The following ZBTB25 variants were observed in gnomAD, a reference collection of about 807,000 sequenced individuals.
ZBTB25 encodes the protein zinc finger and BTB domain-containing protein 25.
Under a neutral mutation model 34.2 loss-of-function variants are expected in ZBTB25, and 20 were observed. That is an observed-to-expected ratio of 0.58 (90% CI 0.41 to 0.85). ZBTB25 has a LOEUF of 0.85. ZBTB25 is among the 40% of genes least tolerant of loss of function. The pLI, the probability that ZBTB25 is intolerant of heterozygous loss-of-function variation, is 0.00. For synonymous variants in ZBTB25, 175 were observed against 186.4 expected, an observed-to-expected ratio of 0.94 and a Z score of 0.50; for missense variants, 437 against 521.8, an observed-to-expected ratio of 0.84 and a Z score of 1.58.
In ZBTB25 at chr14:64,485,622, T is replaced by C. The variant is rs1230412718; in HGVS notation, c.*1301A>G. 2 of 985,278 alleles carry C rather than the reference T, an allele frequency of 2.0e-6. No individual in the cohort carries two copies. Among genetic ancestry groups the C allele is most frequent in the Non-Finnish European group, 2.4e-6 (2 of 829,906 alleles). 61.0% of individuals were successfully genotyped at this position (985,278 alleles called of 1,614,324 possible). A position where few individuals can be genotyped will look rare whatever the true frequency, so the allele number is the denominator to read the frequency against. ...ACATCATGGATCTTAAATGTAGTTA[T>C]AGAACACTGAATGTATCCACTTTGC... On this transcript the variant is annotated 3_prime_UTR_variant, in exon 3 of 3. Transcript: ENST00000608382.
rs963346695 is a variant in ZBTB25 at position 64,485,405 on chromosome 14, G to A, written c.*1518C>T. On this transcript the variant is annotated 3_prime_UTR_variant, in exon 3 of 3. Transcript: ENST00000608382. ...TGTTTTATTATCCTTGACTATGCGG[G>A]GTTTGAAATTTAAACATTTCAGAAA... The A allele has an allele frequency of 3.0e-6, 3 of 985,236 alleles. No homozygotes were observed. Among genetic ancestry groups the A allele is most frequent in the Admixed American group, 6.2e-5 (1 of 16,250 alleles). The allele number at this position is 985,236 out of a possible 1,614,324, so 61.0% of individuals were successfully genotyped here.
At chr14:64,500,921 G>C (rs1050614538) in intron 1 of ZBTB25, among the ~76,000 whole-genome samples, 1 of 152,148 alleles carries the variant, frequency 6.6e-6, no homozygotes, top group South Asian at 2.1e-4. Context: ...TGTGGTGGCA[G>C]GCGCCTGTAA....
intron 1 of ZBTB25, among the ~76,000 whole-genome samples, chr14:64,494,739 C>A (rs2079211380): frequency 6.6e-6 from 1 of 152,206 alleles, no homozygotes; most frequent in Non-Finnish European, 1.5e-5. Context: ...CCAAACATAC[C>A]TCTTCCCTTT....
At position 64,495,942 on chromosome 14, in the gene ZBTB25, C is replaced by T. The variant is rs148100023; in HGVS notation, c.-7-5402G>A. Among the ~76,000 whole-genome samples the T allele has an allele frequency of 5.5e-3, 802 of 147,036 alleles. 9 individuals carry two copies. Among genetic ancestry groups the T allele is most frequent in the African/African-American group, 0.019 (757 of 40,254 alleles). ...TGCACTCCAACCTGGGCAACAAGAG[C>T]GAAACTCCATCTCAAAAGGAAAAAA... On this transcript the variant is annotated intron_variant, in intron 1 of 2. Transcript: ENST00000608382.
chr14:64,486,765 T>C lies in ZBTB25; in HGVS notation c.*158A>G. ...ATTTTAATAGCCACATATTAATATG[T>C]CTTATGAGAAGATCTAATATATACA... On this transcript the variant is annotated 3_prime_UTR_variant, in exon 3 of 3. Transcript: ENST00000608382. 7.5e-7 allele frequency: 1 copy of C among 1,329,854 alleles called. No individual in the cohort carries two copies. Among genetic ancestry groups the C allele is most frequent in the South Asian group, 2.3e-5 (1 of 44,184 alleles). The allele number at this position is 1,329,854 out of a possible 1,614,324, so 82.4% of individuals were successfully genotyped here.
Position 64,472,578 on chromosome 14 carries a change from G to C in ZBTB25, c.173+17783C>G, listed in dbSNP as rs1255837095. On this transcript the variant is annotated intron_variant, in intron 2 of 2. Transcript: ENST00000555220. ...ATATTTTACTTGCATTCATTCTTAAGAGGTTTCTGTTTTTCTATTGAGAAT... is the reference window on the plus strand; with the variant it reads ...ATATTTTACTTGCATTCATTCTTAACAGGTTTCTGTTTTTCTATTGAGAAT... 4 of 166,934 alleles carry C rather than the reference G, an allele frequency of 2.4e-5. No individual in the cohort carries two copies. The Admixed American group carries it at 2.6e-4, about 11-fold the overall frequency. 10.3% of individuals were successfully genotyped at this position (166,934 alleles called of 1,614,324 possible).
At chr14:64,466,378 T>C (rs1225218035) in intron 2 of ZBTB25, among the ~76,000 whole-genome samples, 2 of 152,234 alleles carry the variant, frequency 1.3e-5, no homozygotes, top group African/African-American at 2.4e-5. Flanking sequence ...TCTCAAACGA[T>C]TGTCTTTGCG....
Position 64,487,653 on chromosome 14 carries a change from A to G in ZBTB25, c.578T>C (p.Leu193Pro), listed in dbSNP as rs201611281. The change falls in exon 3 of 3, where the codon CTG (leucine) becomes CCG (proline). Residue 193 changes from leucine to proline, a missense_variant. Leu to Pro is a moderately conservative substitution (Grantham distance 98). Coordinates refer to ENST00000608382, the MANE Select transcript of ZBTB25 (RefSeq NM_006977.5). The part of the protein sequence containing the change: ...QQRACPATQA[L>P]EEHQKPPVSI... ...AACTGGGGGCTTCTGGTGCTCCTCCAGGGCCTGGGTGGCAGGACAGGCCCT... is the reference window on the plus strand; with the variant it reads ...AACTGGGGGCTTCTGGTGCTCCTCCGGGGCCTGGGTGGCAGGACAGGCCCT... 1.4e-5 allele frequency: 22 copies of G among 1,605,696 alleles called. No homozygotes were observed. Among genetic ancestry groups the G allele is most frequent in the Non-Finnish European group, 1.5e-5 (18 of 1,176,226 alleles).
intron 1 of ZBTB25, among the ~76,000 whole-genome samples, chr14:64,490,845 G>C (rs1201504893): frequency 6.6e-6 from 1 of 152,112 alleles, no homozygotes; most frequent in African/African-American, 2.4e-5. Context: ...TTCCATCTAT[G>C]TGAACACAAT....
intron 2 of ZBTB25, chr14:64,469,814 G>A (rs2078649261): frequency 1.5e-6 from 1 of 651,704 alleles, no homozygotes; most frequent in East Asian, 3.0e-5. Context: ...CAGCGCAGAA[G>A]TGCTAAAGAT....
downstream of ZBTB25, among the ~76,000 whole-genome samples, chr14:64,476,621 C>A (rs1238517847): frequency 6.6e-6 from 1 of 152,028 alleles, no homozygotes; most frequent in Non-Finnish European, 1.5e-5. Flanking sequence ...ACGCCCAGCT[C>A]AAAACTAGAG....
intron 1 of ZBTB25, among the ~76,000 whole-genome samples, chr14:64,494,157 T>C (rs1315375857): frequency 6.6e-6 from 1 of 152,098 alleles, no homozygotes; most frequent in Non-Finnish European, 1.5e-5. Context: ...AACATCGTCA[T>C]TGAGGAAAGG....
In ZBTB25 at chr14:64,480,355, A is replaced by G. The variant is rs751311994; in HGVS notation, c.*6568T>C. 17 of 399,240 alleles carry G rather than the reference A, an allele frequency of 4.3e-5. No homozygotes were observed. The Middle Eastern group carries it at 4.0e-3, about 94-fold the overall frequency. 24.7% of individuals were successfully genotyped at this position (399,240 alleles called of 1,614,324 possible). A position where few individuals can be genotyped will look rare whatever the true frequency, so the allele number is the denominator to read the frequency against. On this transcript the variant is annotated 3_prime_UTR_variant, in exon 3 of 3. Transcript: ENST00000608382. ...AAAAAAAAAAAAAAAAAGAAGAAGC[A>G]AAGCAAGAAACTTCTGGGAAATGAC...
At chr14:64,473,664 C>A (rs1402279739), downstream of ZBTB25, 2 of 166,948 alleles carry the variant, frequency 1.2e-5, no homozygotes, top group Non-Finnish European at 2.9e-5. Flanking sequence ...GCTTTAGAAT[C>A]CCACTGTTTG....
intron 2 of ZBTB25, chr14:64,454,693 T>G (rs376815285): frequency 6.3e-7 from 1 of 1,598,406 alleles, no homozygotes; most frequent in African/African-American, 1.3e-5. Context: ...TCTTTTCATT[T>G]GTCCTCCCTC....
chr14:64,452,915 G>T (rs1230259849), intron 2 of ZBTB25, among the ~76,000 whole-genome samples: 1 of 151,808 alleles, frequency 6.6e-6, no homozygotes, highest in Non-Finnish European at 1.5e-5. Flanking sequence ...GAGACAGAGT[G>T]TTGCTATGTT....
In ZBTB25 at chr14:64,453,953, G is replaced by A. The variant is rs112831949; in HGVS notation, c.174-4315C>T. 3.7e-4 allele frequency: 287 copies of A among 780,276 alleles called. 3 individuals are homozygous for A. In the African/African-American group the frequency reaches 4.0e-3, roughly 11 times the overall value. The allele number at this position is 780,276 out of a possible 1,614,324, so 48.3% of individuals were successfully genotyped here. On this transcript the variant is annotated intron_variant, in intron 2 of 2. Transcript: ENST00000555220. ...GTCCTCCCAGCCCTGCCAAGTACCC[G>A]TTGCTTCACTTCTCTGGGTGGCAGC...
At chr14:64,495,133 G>T (rs1165902879) in intron 1 of ZBTB25, among the ~76,000 whole-genome samples, 2 of 152,184 alleles carry the variant, frequency 1.3e-5, no homozygotes, top group African/African-American at 2.4e-5. Context: ...ACTGATTAGG[G>T]TGATTGTTTC....
rs1050614538 is a variant in ZBTB25, at chr14:64,500,921, G to A, written c.-8+2740C>T. ...CAAAAATTAGCCAGGTGTGGTGGCA[G>A]GCGCCTGTAATCCCAGCTACTCGGG... is the stretch of plus-strand genomic sequence containing the variant. On this transcript the variant is annotated intron_variant, in intron 1 of 2. Coordinates refer to ENST00000608382, the MANE Select transcript of ZBTB25 (RefSeq NM_006977.5). Among the ~76,000 whole-genome samples the A allele has an allele frequency of 9.9e-5, 15 of 152,266 alleles. No homozygotes were observed. The East Asian group carries it at 2.5e-3, about 25-fold the overall frequency.
Sources: gnomAD v4.1 joint callset for allele counts (sites outside exome capture counted in the v4.1 genomes callset) on GRCh38, gnomAD v4.1.1 for gene constraint, MANE v1.5 for transcripts, NCBI Gene and HGNC (gene_info 2026-07-23, HGNC 2026-07-21) for gene names.